Variants in FBLN1 observed in about 807,000 individuals in gnomAD.
The protein encoded by FBLN1 is fibulin 1, also known as fibulin-1.
Under a neutral mutation model 89.7 loss-of-function variants are expected in FBLN1, and 34 were observed. The ratio of observed to expected loss-of-function variants is 0.38; its 90% CI spans 0.29 to 0.50. The LOEUF (loss-of-function observed/expected upper bound fraction) is 0.50. FBLN1 is among the 20% of genes least tolerant of loss of function. FBLN1 has a pLI of 0.92. For synonymous variants in FBLN1, 393 were observed against 391.3 expected (o/e 1.00, Z -0.05); for missense variants, 777 against 988.1 (o/e 0.79, Z 2.86).
chr22:45,512,410 C>T (rs533404019), intron 1 of FBLN1, among the ~76,000 whole-genome samples: 13 of 152,112 alleles, frequency 8.5e-5, no homozygotes, highest in African/African-American at 3.1e-4. Context: ...AGCCCCAGTC[C>T]CCTTTTTGCC....
chr22:45,534,848 GTGTT>G (rs1423411115), intron 7 of FBLN1, among the ~76,000 whole-genome samples: 1 of 152,206 alleles, frequency 6.6e-6, no homozygotes, highest in African/African-American at 2.4e-5. Flanking sequence ...TATAGAGACT[GTGTT>G]TGTTGCCACT....
Position 45,547,208 on chromosome 22 carries a change from C to T in FBLN1, c.1441+4C>T, listed in dbSNP as rs571138392. The T allele has an allele frequency of 9.3e-6, 15 of 1,613,402 alleles. No individual in the cohort carries two copies. Among genetic ancestry groups the T allele is most frequent in the East Asian group, 2.2e-5 (1 of 44,886 alleles). On this transcript the variant is annotated splice_donor_region_variant and intron_variant, in intron 12 of 16. Coordinates refer to ENST00000327858, the MANE Select transcript of FBLN1 (RefSeq NM_006486.3). ...GTGGATGGAGTCACCTGTGAAGGTGCGGACGCCCCTGCCTGCTGAGGGGGA... is the reference window on the plus strand; with the variant it reads ...GTGGATGGAGTCACCTGTGAAGGTGTGGACGCCCCTGCCTGCTGAGGGGGA...
chr22:45,539,149 TCCTTCCCTTCC>T (rs1018127430), intron 8 of FBLN1, among the ~76,000 whole-genome samples: 1 of 80,772 alleles, frequency 1.2e-5, no homozygotes, highest in Non-Finnish European at 2.4e-5. Context: ...CTCCTCCCCC[TCCTTCCCTTCC>T]CCTTCTCTCC....
At chr22:45,518,857 C>G in intron 2 of FBLN1, 70 bp downstream of exon 2, 4 of 1,321,822 alleles carry the variant, frequency 3.0e-6, no homozygotes, top group Non-Finnish European at 4.3e-6. Flanking sequence ...GAGGAAGGGA[C>G]AGTGTGTGCC....
intron 11 of FBLN1, among the ~76,000 whole-genome samples, chr22:45,546,813 C>T (rs1042266447): frequency 3.3e-5 from 5 of 152,160 alleles, no homozygotes; most frequent in Admixed American, 6.6e-5. Context: ...GCAGCCAGGT[C>T]GGGGCAGACT....
At position 45,562,747 on chromosome 22, in the gene FBLN1, C is replaced by T. The variant is rs916610245; in HGVS notation, c.1698-11764C>T. 2.0e-5 allele frequency among the ~76,000 whole-genome samples: 3 copies of T among 152,230 alleles called. No individual in the cohort carries two copies. The highest frequency in any genetic ancestry group is 2.9e-5 in the Non-Finnish European group (2 of 68,032). ...GAATCAGCAGCCTGGAGGTCCACGG[C>T]GCCTCCCGCAGGTGAGTGAGGTGTG... On this transcript the variant is annotated intron_variant, in intron 14 of 16. Transcript: ENST00000327858. This position sits in a 1 kb window ranked among gnomAD's most constrained non-coding sequence, Gnocchi z 7.8.
chr22:45,520,411 C>T (rs574964878), intron 2 of FBLN1, among the ~76,000 whole-genome samples: 21 of 152,330 alleles, frequency 1.4e-4, no homozygotes, highest in South Asian at 4.1e-4. Flanking sequence ...TGTCCTCACA[C>T]GGCCCTCCCT....
At chr22:45,506,944 C>A (rs1479100286) in intron 1 of FBLN1, among the ~76,000 whole-genome samples, 1 of 152,248 alleles carries the variant, frequency 6.6e-6, no homozygotes, top group Non-Finnish European at 1.5e-5. Context: ...TGCAGAATAG[C>A]AAATCATAAC....
rs1920925108 is a variant in FBLN1 at position 45,600,404 on chromosome 22, T to C, written c.2070T>C (p.Asn690=). 1 of 1,614,016 alleles carries C rather than the reference T, an allele frequency of 6.2e-7. No individual in the cohort carries two copies. The highest frequency in any genetic ancestry group is 8.5e-7 in the Non-Finnish European group (1 of 1,180,026). The change falls in exon 17 of 17, where the codon AAT becomes AAC. Residue 690 remains asparagine, a synonymous_variant. Transcript: ENST00000327858. ...YVVGGVVSHR[N]VVNVHIFVSE... ...TCGGGGGCGTGGTCTCCCACCGAAA[T>C]GTTGTCAACGTCCACATCTTCGTCT... is the stretch of plus-strand genomic sequence containing the variant.
intron 12 of FBLN1, among the ~76,000 whole-genome samples, chr22:45,547,640 T>A (rs930389898): frequency 4.6e-5 from 7 of 152,008 alleles, no homozygotes; most frequent in Non-Finnish European, 1.0e-4. Context: ...GCTCAAGTGA[T>A]CCTCTTGCTT....
At chr22:45,521,395 C>G (rs568420504) in intron 2 of FBLN1, among the ~76,000 whole-genome samples, 1 of 152,286 alleles carries the variant, frequency 6.6e-6, no homozygotes, top group Non-Finnish European at 1.5e-5. Context: ...ACTTAGGCCC[C>G]AGGAGGCCCA....
chr22:45,509,843 C>T (rs1262436944), intron 1 of FBLN1, among the ~76,000 whole-genome samples: 3 of 151,986 alleles, frequency 2.0e-5, no homozygotes, highest in African/African-American at 7.2e-5. Context: ...ACCACGGAGG[C>T]CACTCCAACT....
intron 3 of FBLN1, 38 bp from the exon 4 acceptor site, chr22:45,527,809 C>T (rs1441105491): frequency 3.1e-6 from 5 of 1,611,708 alleles, no homozygotes; most frequent in Non-Finnish European, 4.2e-6. Context: ...GGGCTGTCTG[C>T]CCGCTCCTCC....
intron 12 of FBLN1, 24 bp downstream of exon 12, chr22:45,547,228 G>A (rs898817787): frequency 1.2e-6 from 2 of 1,612,274 alleles, no homozygotes; most frequent in African/African-American, 1.3e-5. Flanking sequence ...TGCCTGCTGA[G>A]GGGGAAAGCA....
In FBLN1 at chr22:45,583,160, C is replaced by T. The variant is rs962730473; in HGVS notation, c.1972+6052C>T. ...AAGTGCTGGCCCAGGGTCCCACAGC[C>T]AGCAAGTTGGAGCTGCACTGCCCAA... is the stretch of plus-strand genomic sequence containing the variant. On this transcript the variant is annotated intron_variant, in intron 16 of 16. Coordinates refer to ENST00000327858, the MANE Select transcript of FBLN1 (RefSeq NM_006486.3). This position sits in a 1 kb window ranked among gnomAD's most constrained non-coding sequence, Gnocchi z 4.5. 6.6e-6 allele frequency among the ~76,000 whole-genome samples: 1 copy of T among 152,206 alleles called. No homozygotes were observed.
intron 2 of FBLN1, among the ~76,000 whole-genome samples, chr22:45,521,376 C>T (rs1435516874): frequency 6.6e-6 from 1 of 152,180 alleles, no homozygotes; most frequent in African/African-American, 2.4e-5. Context: ...GTGACTGGCC[C>T]ATTGTGTCAC....
chr22:45,558,397 G>T, intron 14 of FBLN1: 1 of 222,006 alleles, frequency 4.5e-6, no homozygotes, highest in Non-Finnish European at 9.0e-6. Context: ...TCTCTCAAAA[G>T]GAGAGTAGTT....
At chr22:45,525,909 C>T (rs954761389) in intron 3 of FBLN1, among the ~76,000 whole-genome samples, 3 of 152,172 alleles carry the variant, frequency 2.0e-5, no homozygotes, top group East Asian at 3.9e-4. Context: ...CCCACGAGGC[C>T]GGGGGGTGAA....
At chr22:45,543,227 C>T (rs1226153173) in intron 10 of FBLN1, among the ~76,000 whole-genome samples, 174 bp from the exon 11 acceptor site, 1 of 152,108 alleles carries the variant, frequency 6.6e-6, no homozygotes, top group Non-Finnish European at 1.5e-5. Flanking sequence ...GATCATGCCA[C>T]TGCAATCCAG....
Sources: gnomAD v4.1 joint callset for allele counts (sites outside exome capture counted in the v4.1 genomes callset) on GRCh38, gnomAD v4.1.1 for gene constraint, Gnocchi (gnomAD v3.1) non-coding constraint, MANE v1.5 for transcripts, NCBI Gene and HGNC (gene_info 2026-07-23, HGNC 2026-07-21) for gene names.